The following MYO10 variants were observed in gnomAD, a reference collection of about 807,000 sequenced individuals.
MYO10 encodes the protein unconventional myosin-X.
MYO10 carries 133 observed loss-of-function variants against 257.3 expected under a neutral mutation model. The observed-to-expected ratio is 0.52, with a 90% confidence interval of 0.45 to 0.60. The LOEUF (loss-of-function observed/expected upper bound fraction) is 0.60, where lower values mean the gene tolerates loss of function less well. MYO10 is among the 20% of genes least tolerant of loss of function. MYO10 has a pLI of 0.00. For synonymous variants in MYO10, 1,104 were observed against 1,028.6 expected (o/e 1.07, Z -1.40); for missense variants, 2,399 against 2,635.7 (o/e 0.91, Z 1.97).
At chr5:16,747,797 T>C (rs1487418288) in intron 19 of MYO10, among the ~76,000 whole-genome samples, 2 of 151,368 alleles carry the variant, frequency 1.3e-5, no homozygotes, top group Non-Finnish European at 3.0e-5. Flanking sequence ...CAGGTGCCTG[T>C]AGTCCCAGCT....
intron 1 of MYO10, among the ~76,000 whole-genome samples, chr5:16,882,940 G>A (rs184424551): frequency 2.1e-5 from 3 of 144,348 alleles, no homozygotes; most frequent in Admixed American, 6.7e-5. Context: ...TTTTGAGACG[G>A]AGTCTCACTC....
chr5:16,774,409 T>A (rs1438514029), intron 9 of MYO10, among the ~76,000 whole-genome samples: 1 of 152,078 alleles, frequency 6.6e-6, no homozygotes, highest in Non-Finnish European at 1.5e-5. Context: ...ATCATGTTAC[T>A]TATTTATTTA....
At chr5:16,814,289 C>G (rs1426199433) in intron 3 of MYO10, among the ~76,000 whole-genome samples, 2 of 152,096 alleles carry the variant, frequency 1.3e-5, no homozygotes, top group South Asian at 2.1e-4. Context: ...CTACAGGCGC[C>G]CGCCACCACA....
At chr5:16,886,589 ATCG>A (rs1744903376) in intron 1 of MYO10, among the ~76,000 whole-genome samples, 1 of 152,110 alleles carries the variant, frequency 6.6e-6, no homozygotes, top group Non-Finnish European at 1.5e-5. Flanking sequence ...CTACATCATC[ATCG>A]TCATCATCAT....
chr5:16,796,442 C>CAGAAAGAA (rs70943805), intron 3 of MYO10, among the ~76,000 whole-genome samples: 2,694 of 120,768 alleles, frequency 0.022, 110 homozygotes, highest in East Asian at 0.12. Context: ...AAAAGAAAGA[C>CAGAAAGAA]AGAAAGAAAG....
At chr5:16,853,141 T>C (rs1050242191) in intron 2 of MYO10, among the ~76,000 whole-genome samples, 3 of 151,912 alleles carry the variant, frequency 2.0e-5, no homozygotes, top group Admixed American at 6.6e-5. Flanking sequence ...GAGGCTGAGG[T>C]GGGCGGATCA....
At chr5:16,859,672 A>G (rs1280327750) in intron 2 of MYO10, among the ~76,000 whole-genome samples, 2 of 152,150 alleles carry the variant, frequency 1.3e-5, no homozygotes, top group Non-Finnish European at 2.9e-5. Context: ...ACTGAAACCC[A>G]GGAATCTGAG....
At position 16,664,180 on chromosome 5, in the gene MYO10, A is replaced by G. The variant is rs1321599178; in HGVS notation, c.*2512T>C. ...GAGTCTGTAATTATTTCTAAATAAA[A>G]GGCTAAAACAAAACCACAACTATGC... On this transcript the variant is annotated 3_prime_UTR_variant, in exon 41 of 41. Coordinates refer to ENST00000513610, the MANE Select transcript of MYO10 (RefSeq NM_012334.3). 1 of 152,182 alleles carries G rather than the reference A, an allele frequency of 6.6e-6. No homozygotes were observed. The highest frequency in any genetic ancestry group is 1.5e-5 in the Non-Finnish European group (1 of 68,036). The allele number at this position is 152,182 out of a possible 1,614,324, so 9.4% of individuals were successfully genotyped here.
chr5:16,767,823 G>T (rs1260146347), intron 10 of MYO10, among the ~76,000 whole-genome samples: 1 of 151,808 alleles, frequency 6.6e-6, no homozygotes, highest in Admixed American at 6.6e-5. Flanking sequence ...AATTACAGGC[G>T]CACACCACCA....
intron 19 of MYO10, chr5:16,742,146 A>T (rs898396267): frequency 5.5e-5 from 54 of 984,714 alleles, no homozygotes; most frequent in East Asian, 2.3e-4. Flanking sequence ...ATTTTTTTTT[A>T]AAAAAAGTCC....
intron 2 of MYO10, among the ~76,000 whole-genome samples, chr5:16,832,703 G>T (rs757248869): frequency 1.1e-4 from 16 of 152,120 alleles, no homozygotes; most frequent in Non-Finnish European, 2.4e-4. Flanking sequence ...GATCCCTTCA[G>T]GTAACATGGC....
At chr5:16,775,589 TTTTGTTTGTTTG>T (rs141350168) in intron 9 of MYO10, among the ~76,000 whole-genome samples, 3 of 150,824 alleles carry the variant, frequency 2.0e-5, no homozygotes, top group Non-Finnish European at 3.0e-5. Flanking sequence ...GCCTGGCCAA[TTTTGTTTGTTTG>T]TTTGTTTGTT....
At chr5:16,768,809 G>A (rs112809579) in intron 10 of MYO10, among the ~76,000 whole-genome samples, 28,337 of 150,850 alleles carry the variant, frequency 0.19, 2,853 homozygotes, top group Non-Finnish European at 0.22. Flanking sequence ...CCAAGCAGCT[G>A]GGACTACAGG....
chr5:16,748,390 G>A (rs1194048074), intron 19 of MYO10, among the ~76,000 whole-genome samples: 1 of 152,062 alleles, frequency 6.6e-6, no homozygotes. Flanking sequence ...GGTTACAGGT[G>A]TACACCACCA....
At chr5:16,893,830 G>A (rs1201898804) in intron 1 of MYO10, among the ~76,000 whole-genome samples, 12 of 151,914 alleles carry the variant, frequency 7.9e-5, no homozygotes, top group East Asian at 5.8e-4. Context: ...ATATCCCTCC[G>A]TCACTGTTAC....
chr5:16,770,832 G>A (rs968593395), intron 9 of MYO10, among the ~76,000 whole-genome samples: 1 of 152,186 alleles, frequency 6.6e-6, no homozygotes, highest in Admixed American at 6.5e-5. Context: ...GCAGTGGCAC[G>A]ATCTCGGCTC....
At chr5:16,910,716 T>C (rs1263096972) in intron 1 of MYO10, among the ~76,000 whole-genome samples, 1 of 152,174 alleles carries the variant, frequency 6.6e-6, no homozygotes, top group Non-Finnish European at 1.5e-5. Flanking sequence ...ATTAAACCCA[T>C]ATTACAAAAG....
rs377512385 is a variant in MYO10, at chr5:16,681,957, G to A, written c.4103C>T (p.Thr1368Met). 110 of 1,613,898 alleles carry A rather than the reference G, an allele frequency of 6.8e-5. 1 individual carries two copies. The Middle Eastern group carries it at 2.5e-3, about 36-fold the overall frequency. The change falls in exon 31 of 41, where the codon ACG (threonine) becomes ATG (methionine). Residue 1368 changes from threonine (T) to methionine (M), a missense_variant. By Grantham distance (81) the Thr-to-Met change is moderately conservative. Coordinates refer to ENST00000513610, the MANE Select transcript of MYO10 (RefSeq NM_012334.3). Reference protein sequence around the residue: ...ANRVLHCNADTPEEMHHWITL... With the variant: ...ANRVLHCNADMPEEMHHWITL... ...TATCCAGTGGTGCATCTCCTCCGGC[G>A]TGTCGGCGTTGCAGTGCAGCACCCG... is the stretch of plus-strand genomic sequence containing the variant.
intron 1 of MYO10, among the ~76,000 whole-genome samples, chr5:16,891,424 G>A (rs1745057273): frequency 6.6e-6 from 1 of 151,646 alleles, no homozygotes; most frequent in South Asian, 2.1e-4. Flanking sequence ...GAGGGGAGAG[G>A]AGAAAAGAAA....
Sources: allele counts gnomAD v4.1 joint callset (sites outside exome capture counted in the v4.1 genomes callset), GRCh38; gene constraint gnomAD v4.1.1; transcripts MANE v1.5; gene names NCBI Gene and HGNC (gene_info 2026-07-23, HGNC 2026-07-21).